Variants in SGMS1 observed in about 807,000 individuals in gnomAD.
SGMS1 encodes the protein sphingomyelin synthase 1.
In SGMS1, 13 loss-of-function variants were observed where a neutral mutation model predicts 46.2. The ratio of observed to expected loss-of-function variants is 0.28; its 90% CI spans 0.18 to 0.45. The LOEUF is 0.45. SGMS1 is among the 20% of genes least tolerant of loss of function. The probability of loss-of-function intolerance (pLI) is 1.00; values close to 1 mark genes in which losing one functional copy is unlikely to be tolerated. For synonymous variants in SGMS1, 203 were observed against 187.8 expected (o/e 1.08, Z -0.66); for missense variants, 324 against 519.9 (o/e 0.62, Z 3.66).
chr10:50,384,385 T>C (rs985612375), intron 6 of SGMS1, among the ~76,000 whole-genome samples: 4 of 148,696 alleles, frequency 2.7e-5, no homozygotes, highest in Non-Finnish European at 4.4e-5. Flanking sequence ...CTCTTTCTTT[T>C]TCTCTCTCTC....
At chr10:50,335,170 C>T (rs141559871) in intron 7 of SGMS1, 3 of 152,368 alleles carry the variant, frequency 2.0e-5, no homozygotes, top group Admixed American at 2.0e-4. Flanking sequence ...CCTATGCCAG[C>T]AATAGATGTG....
At chr10:50,343,358 A>G in intron 7 of SGMS1, 134 bp downstream of exon 7, 3 of 945,010 alleles carry the variant, frequency 3.2e-6, no homozygotes, top group Non-Finnish European at 4.5e-6. Context: ...CCAACAGGGT[A>G]TGTGTTTAAA....
At chr10:50,549,715 A>T (rs890884990) in intron 2 of SGMS1, among the ~76,000 whole-genome samples, 1 of 152,208 alleles carries the variant, frequency 6.6e-6, no homozygotes, top group Non-Finnish European at 1.5e-5. Context: ...AAGGTAAAAA[A>T]AATTCAGATC....
At chr10:50,466,840 AG>A (rs1446621884) in intron 4 of SGMS1, 49 bp downstream of exon 4, 4 of 152,256 alleles carry the variant, frequency 2.6e-5, no homozygotes, top group Non-Finnish European at 4.4e-5. Context: ...GGGAGAACAC[AG>A]AAAATACAAA....
intron 7 of SGMS1, among the ~76,000 whole-genome samples, chr10:50,337,872 C>CAA (rs56330245): frequency 1.9e-5 from 2 of 102,768 alleles, no homozygotes; most frequent in Admixed American, 9.3e-5. Context: ...GGTTAAAATA[C>CAA]AAAAAAAAAA....
chr10:50,447,753 G>C (rs1256560882), intron 5 of SGMS1, among the ~76,000 whole-genome samples: 1 of 152,068 alleles, frequency 6.6e-6, no homozygotes, highest in Non-Finnish European at 1.5e-5. Context: ...CCTGTTTTGT[G>C]GTAAGAATAC....
At chr10:50,554,856 A>G (rs1219238425) in intron 2 of SGMS1, among the ~76,000 whole-genome samples, 3 of 152,250 alleles carry the variant, frequency 2.0e-5, no homozygotes, top group Non-Finnish European at 4.4e-5. Context: ...TTCACTCAAC[A>G]ATATGTCGTG....
Position 50,623,726 on chromosome 10 carries a change from G to A in SGMS1, c.-703C>T. 3.0e-6 allele frequency: 3 copies of A among 985,418 alleles called. No individual in the cohort carries two copies. The South Asian group carries it at 1.4e-4, about 46-fold the overall frequency. The allele number at this position is 985,418 out of a possible 1,614,324, so 61.0% of individuals were successfully genotyped here. On this transcript the variant is annotated 5_prime_UTR_variant, in exon 1 of 11. Coordinates refer to ENST00000361781, the MANE Select transcript of SGMS1 (RefSeq NM_147156.4). Reference sequence around the variant, plus strand: ...ACTCACTTGCACTGGAGTCACGGCAGCCGCCGGAATTCCGCTCGCGGAGCC... The same window carrying A: ...ACTCACTTGCACTGGAGTCACGGCAACCGCCGGAATTCCGCTCGCGGAGCC...
intron 3 of SGMS1, among the ~76,000 whole-genome samples, chr10:50,514,912 C>T (rs919061608): frequency 3.3e-5 from 5 of 152,178 alleles, no homozygotes; most frequent in African/African-American, 1.2e-4. Flanking sequence ...AGTCTCTGAA[C>T]TCCCAGACTG....
chr10:50,471,447 A>G (rs1349395889), intron 3 of SGMS1, among the ~76,000 whole-genome samples: 1 of 152,108 alleles, frequency 6.6e-6, no homozygotes, highest in East Asian at 1.9e-4. Context: ...CAACACAACC[A>G]CTTCCATGGT....
intron 6 of SGMS1, among the ~76,000 whole-genome samples, chr10:50,356,282 T>C (rs918775197): frequency 3.9e-5 from 6 of 152,234 alleles, no homozygotes; most frequent in Admixed American, 2.0e-4. Flanking sequence ...CTCTGAAACA[T>C]GTGCTGTGTC....
intron 2 of SGMS1, among the ~76,000 whole-genome samples, chr10:50,524,672 G>A (rs61858069): frequency 0.17 from 26,333 of 152,176 alleles, 2,586 homozygotes; most frequent in Admixed American, 0.23. Flanking sequence ...ATTTACAGAT[G>A]AGCAAACATG....
chr10:50,598,360 T>C (rs937120147), intron 1 of SGMS1, among the ~76,000 whole-genome samples: 2 of 152,150 alleles, frequency 1.3e-5, no homozygotes, highest in Admixed American at 6.5e-5. Flanking sequence ...GAGAAATAAA[T>C]GGCTGTTGTT....
chr10:50,536,756 T>C (rs1838005721), intron 2 of SGMS1, among the ~76,000 whole-genome samples: 1 of 152,234 alleles, frequency 6.6e-6, no homozygotes, highest in African/African-American at 2.4e-5. Context: ...CATACTTTTC[T>C]TCATACATGA....
At chr10:50,330,240 G>A (rs1269202519) in intron 7 of SGMS1, among the ~76,000 whole-genome samples, 4 of 152,058 alleles carry the variant, frequency 2.6e-5, no homozygotes, top group Non-Finnish European at 5.9e-5. Context: ...GATCACTTGA[G>A]CCCAGGAGTT....
chr10:50,419,745 G>GA (rs145349259), intron 6 of SGMS1, among the ~76,000 whole-genome samples: 3,877 of 152,198 alleles, frequency 0.025, 172 homozygotes, highest in African/African-American at 0.087. Flanking sequence ...TAGATGGGAA[G>GA]AAAAAAATGT....
At chr10:50,387,530 T>TA (rs1186454185) in intron 6 of SGMS1, among the ~76,000 whole-genome samples, 2 of 152,162 alleles carry the variant, frequency 1.3e-5, no homozygotes, top group African/African-American at 4.8e-5. Flanking sequence ...TACAGAAAGT[T>TA]AAATACATAG....
At chr10:50,413,940 T>C (rs558219280) in intron 6 of SGMS1, among the ~76,000 whole-genome samples, 1 of 152,378 alleles carries the variant, frequency 6.6e-6, no homozygotes, top group East Asian at 1.9e-4. Context: ...ACATTGGTAA[T>C]AGTAAATAAA....
chr10:50,499,445 C>A (rs530679955), intron 3 of SGMS1, among the ~76,000 whole-genome samples: 1 of 152,232 alleles, frequency 6.6e-6, no homozygotes, highest in South Asian at 2.1e-4. Flanking sequence ...AAAGTTAAGT[C>A]ACAAAAAGGT....
Sources: gnomAD v4.1 joint callset for allele counts (sites outside exome capture counted in the v4.1 genomes callset) on GRCh38, gnomAD v4.1.1 for gene constraint, MANE v1.5 for transcripts, NCBI Gene and HGNC (gene_info 2026-07-23, HGNC 2026-07-21) for gene names.